Variants in DACH1 observed in about 807,000 individuals in gnomAD.
DACH1 encodes the protein dachshund family transcription factor 1, also known as dachshund homolog 1.
A neutral mutation model predicts 54.2 loss-of-function variants in DACH1; 12 were observed. The observed-to-expected ratio is 0.22, with a 90% CI of 0.14 to 0.36. DACH1 has a LOEUF of 0.36. Ranked by LOEUF, DACH1 falls within the 10% of genes least tolerant of loss-of-function variation. The probability of loss-of-function intolerance (pLI) is 1.00; values close to 1 mark genes in which losing one functional copy is unlikely to be tolerated. For missense variants in DACH1, 805 were observed against 929.8 expected (o/e 0.87, Z 1.75); for synonymous variants, 386 against 366.2 (o/e 1.05, Z -0.62).
chr13:71,524,569 C>T (rs560857629), intron 6 of DACH1, among the ~76,000 whole-genome samples: 1 of 152,144 alleles, frequency 6.6e-6, no homozygotes. Context: ...GTAGCTCAAG[C>T]TGAATGTTAG....
At chr13:71,468,605 G>C (rs1876799581) in intron 10 of DACH1, among the ~76,000 whole-genome samples, 2 of 152,190 alleles carry the variant, frequency 1.3e-5, no homozygotes, top group South Asian at 4.1e-4. Context: ...ATTTAGTGCT[G>C]TTAAAGTATG....
At chr13:71,828,105 A>G (rs1055964031) in intron 1 of DACH1, among the ~76,000 whole-genome samples, 7 of 152,050 alleles carry the variant, frequency 4.6e-5, no homozygotes, top group Non-Finnish European at 1.0e-4. Context: ...CTTTAATGCT[A>G]CTAAACAGAA....
chr13:71,779,719 T>C (rs912411907), intron 1 of DACH1, among the ~76,000 whole-genome samples: 1 of 152,064 alleles, frequency 6.6e-6, no homozygotes. Flanking sequence ...TTCCCCTCTA[T>C]TCCCAGATCT....
At chr13:71,461,952 C>T (rs1876111495) in intron 10 of DACH1, among the ~76,000 whole-genome samples, 1 of 151,738 alleles carries the variant, frequency 6.6e-6, no homozygotes, top group African/African-American at 2.4e-5. Flanking sequence ...AAATGTTAAA[C>T]CAGGGTATGA....
chr13:71,835,864 T>A (rs796588467), intron 1 of DACH1, among the ~76,000 whole-genome samples: 19 of 152,200 alleles, frequency 1.2e-4, no homozygotes, highest in African/African-American at 4.3e-4. Context: ...TCTAACATTC[T>A]CCTACAAATC....
chr13:71,457,843 A>G (rs1875716841), intron 10 of DACH1, among the ~76,000 whole-genome samples: 1 of 151,928 alleles, frequency 6.6e-6, no homozygotes, highest in Non-Finnish European at 1.5e-5. Flanking sequence ...TCACATTCCA[A>G]TGCCTGCTTC....
chr13:71,439,238 A>C lies in DACH1; in HGVS notation c.*1417T>G, dbSNP rs1873792258. On this transcript the variant is annotated 3_prime_UTR_variant, in exon 11 of 11. Coordinates refer to ENST00000613252, the MANE Select transcript of DACH1 (RefSeq NM_080759.6). ...TATAGTGACCGTACTGATTCATATC[A>C]GTCTTTAAAGGTGTAATTCCAGATA... is the stretch of plus-strand genomic sequence containing the variant. 6.6e-6 allele frequency: 1 copy of C among 152,482 alleles called. No individual in the cohort carries two copies. The highest frequency in any genetic ancestry group is 6.6e-5 in the Admixed American group (1 of 15,252). The allele number at this position is 152,482 out of a possible 1,614,324, so 9.4% of individuals were successfully genotyped here. A position where few individuals can be genotyped will look rare whatever the true frequency, so the allele number is the denominator to read the frequency against.
chr13:71,569,752 GA>G (rs1449203854), intron 4 of DACH1, among the ~76,000 whole-genome samples: 2 of 152,092 alleles, frequency 1.3e-5, no homozygotes, highest in Non-Finnish European at 1.5e-5. Context: ...CATTTAGGTT[GA>G]GTTTTAATTT....
chr13:71,672,679 A>G (rs1210906550), intron 2 of DACH1, among the ~76,000 whole-genome samples: 2 of 152,160 alleles, frequency 1.3e-5, no homozygotes, highest in Non-Finnish European at 2.9e-5. Flanking sequence ...CAATATTTGT[A>G]TTTCTCGCAT....
chr13:71,572,576 A>G (rs1885278797), intron 4 of DACH1, among the ~76,000 whole-genome samples: 1 of 152,172 alleles, frequency 6.6e-6, no homozygotes, highest in Non-Finnish European at 1.5e-5. Context: ...CTACCTATGT[A>G]AGAACACACA....
Position 71,548,349 on chromosome 13 carries a change from CA to C in DACH1, c.1570+8674del, listed in dbSNP as rs370546057. On this transcript the variant is annotated intron_variant, in intron 6 of 10. Coordinates refer to ENST00000613252, the MANE Select transcript of DACH1 (RefSeq NM_080759.6). Reference sequence around the variant, plus strand: ...ATTCTATTCCTTTATTCCATAAAAACATCATCATACAGAGTAATCTGATATC... The same window carrying C: ...ATTCTATTCCTTTATTCCATAAAAACTCATCATACAGAGTAATCTGATATC... Among the ~76,000 whole-genome samples the C allele has an allele frequency of 5.6e-3, 845 of 152,184 alleles. 8 individuals carry two copies. Among genetic ancestry groups the C allele is most frequent in the African/African-American group, 0.019 (804 of 41,522 alleles).
At chr13:71,549,562 C>T (rs1167999368) in intron 6 of DACH1, among the ~76,000 whole-genome samples, 4 of 151,874 alleles carry the variant, frequency 2.6e-5, no homozygotes, top group Non-Finnish European at 4.4e-5. Context: ...TCCAAATATA[C>T]AAAAAAGTTG....
rs559547609 is a variant in DACH1, at chr13:71,831,328, G to T, written c.848+34594C>A. 2.0e-5 allele frequency among the ~76,000 whole-genome samples: 3 copies of T among 151,294 alleles called. No individual in the cohort carries two copies. In the East Asian group the frequency reaches 5.8e-4, roughly 29 times the overall value. On this transcript the variant is annotated intron_variant, in intron 1 of 10. Transcript: ENST00000613252. ...ATTTAAAATATTTAGTAACCACATG[G>T]TTTAAGTTAAATAGTATTATATAAA... is the stretch of plus-strand genomic sequence containing the variant.
At chr13:71,755,145 G>A (rs1433802941) in intron 1 of DACH1, among the ~76,000 whole-genome samples, 1 of 152,106 alleles carries the variant, frequency 6.6e-6, no homozygotes, top group Non-Finnish European at 1.5e-5. Context: ...CAGAGTTGCC[G>A]ATATCTCCCC....
intron 1 of DACH1, among the ~76,000 whole-genome samples, chr13:71,792,506 A>G (rs1886874628): frequency 6.6e-6 from 1 of 152,192 alleles, no homozygotes; most frequent in African/African-American, 2.4e-5. Context: ...ATAATAGACA[A>G]TAAATTCTGA....
At chr13:71,460,272 A>G (rs893443009) in intron 10 of DACH1, among the ~76,000 whole-genome samples, 1 of 152,090 alleles carries the variant, frequency 6.6e-6, no homozygotes, top group Non-Finnish European at 1.5e-5. Context: ...AATTCGCCAC[A>G]TCTTTTCCTG....
At chr13:71,530,667 A>T (rs1347115391) in intron 6 of DACH1, among the ~76,000 whole-genome samples, 2 of 152,106 alleles carry the variant, frequency 1.3e-5, no homozygotes, top group Non-Finnish European at 2.9e-5. Context: ...TCTTTCATAA[A>T]GGCAAAAGGA....
chr13:71,579,436 C>T (rs7320401), intron 3 of DACH1, among the ~76,000 whole-genome samples: 17,670 of 151,840 alleles, frequency 0.12, 2,251 homozygotes, highest in African/African-American at 0.32. Context: ...CTAAAGAGAA[C>T]GGGAAACAAA....
chr13:71,847,609 T>G (rs1873367253), intron 1 of DACH1, among the ~76,000 whole-genome samples: 1 of 152,166 alleles, frequency 6.6e-6, no homozygotes, highest in Non-Finnish European at 1.5e-5. Flanking sequence ...ATGAAAAATA[T>G]TTCACAATTT....
Sources: gnomAD v4.1 joint callset for allele counts (sites outside exome capture counted in the v4.1 genomes callset) on GRCh38, gnomAD v4.1.1 for gene constraint, MANE v1.5 for transcripts, NCBI Gene and HGNC (gene_info 2026-07-23, HGNC 2026-07-21) for gene names.